Variants in MYO9A observed in about 807,000 individuals in gnomAD.
MYO9A encodes unconventional myosin-IXa.
Under a neutral mutation model 293.3 loss-of-function variants are expected in MYO9A, and 103 were observed. The ratio of observed to expected loss-of-function variants is 0.35; its 90% CI spans 0.30 to 0.41. The LOEUF (loss-of-function observed/expected upper bound fraction) is 0.41. Ranked by LOEUF, MYO9A falls within the 10% of genes least tolerant of loss-of-function variation. The pLI is 1.00. For missense variants in MYO9A, 2,685 were observed against 3,033.0 expected, an observed-to-expected ratio of 0.89 and a Z score of 2.69; for synonymous variants, 1,001 against 1,035.7, an observed-to-expected ratio of 0.97 and a Z score of 0.64.
At chr15:72,030,102 A>G (rs979249826) in intron 3 of MYO9A, among the ~76,000 whole-genome samples, 16 of 152,138 alleles carry the variant, frequency 1.1e-4, no homozygotes, top group African/African-American at 3.6e-4. Context: ...TTCTTTGAAA[A>G]TCCATTGCCA....
At chr15:71,982,058 C>T (rs1162872299) in intron 11 of MYO9A, among the ~76,000 whole-genome samples, 5 of 125,264 alleles carry the variant, frequency 4.0e-5, no homozygotes, top group Non-Finnish European at 7.8e-5. Flanking sequence ...CTCACTCTGT[C>T]GCCCAGGCTG....
At chr15:71,864,252 A>G (rs2056247457) in intron 32 of MYO9A, among the ~76,000 whole-genome samples, 1 of 152,214 alleles carries the variant, frequency 6.6e-6, no homozygotes, top group African/African-American at 2.4e-5. Flanking sequence ...TTAGTTATCA[A>G]AGAAATGCAA....
intron 27 of MYO9A, 42 bp from the exon 28 acceptor site, chr15:71,883,778 C>G: frequency 6.5e-7 from 1 of 1,542,716 alleles, no homozygotes; most frequent in East Asian, 2.3e-5. Flanking sequence ...TTAAGAGTAT[C>G]TCAGTGATAA....
chr15:72,030,274 G>A (rs1263334503), intron 3 of MYO9A, among the ~76,000 whole-genome samples: 1 of 152,014 alleles, frequency 6.6e-6, no homozygotes, highest in Non-Finnish European at 1.5e-5. Flanking sequence ...AAATATTACT[G>A]CCCCTATTTT....
intron 4 of MYO9A, among the ~76,000 whole-genome samples, chr15:72,023,599 G>A (rs1476036274): frequency 6.6e-6 from 1 of 151,422 alleles, no homozygotes; most frequent in Non-Finnish European, 1.5e-5. Context: ...GGAGGCTGAG[G>A]CAGGAGAATC....
At chr15:71,881,937 T>G (rs1405020603) in intron 28 of MYO9A, among the ~76,000 whole-genome samples, 1 of 152,202 alleles carries the variant, frequency 6.6e-6, no homozygotes, top group African/African-American at 2.4e-5. Context: ...TTCCTAAACC[T>G]GTAGTATTCA....
chr15:71,984,582 T>C (rs753625909), intron 11 of MYO9A, among the ~76,000 whole-genome samples: 11 of 152,302 alleles, frequency 7.2e-5, no homozygotes, highest in African/African-American at 2.2e-4. Flanking sequence ...CTATGGCACA[T>C]GTTAGACCTT....
At chr15:72,108,785 A>C (rs2080667922) in intron 1 of MYO9A, among the ~76,000 whole-genome samples, 2 of 138,490 alleles carry the variant, frequency 1.4e-5, no homozygotes, top group African/African-American at 2.7e-5. Flanking sequence ...TTTTTGAGAC[A>C]GAGTTTCACT....
intron 11 of MYO9A, among the ~76,000 whole-genome samples, chr15:71,990,119 C>G (rs2148349990): frequency 6.8e-6 from 1 of 146,998 alleles, no homozygotes; most frequent in South Asian, 2.1e-4. Context: ...CAGTCTCATT[C>G]TGTTGCCCAG....
At chr15:71,892,860 C>T (rs1033393126) in intron 26 of MYO9A, 13 of 686,178 alleles carry the variant, frequency 1.9e-5, no homozygotes, top group African/African-American at 3.8e-5. Flanking sequence ...GTTTCCCATG[C>T]ACAAACCATT....
chr15:72,019,817 T>C (rs1026759227), intron 5 of MYO9A, among the ~76,000 whole-genome samples: 12 of 152,186 alleles, frequency 7.9e-5, no homozygotes, highest in African/African-American at 2.9e-4. Context: ...TGGCACAATC[T>C]TGGCTCACTG....
chr15:71,863,319 A>AAT (rs2056214220), intron 32 of MYO9A, among the ~76,000 whole-genome samples: 1 of 152,170 alleles, frequency 6.6e-6, no homozygotes, highest in African/African-American at 2.4e-5. Context: ...TACATGAGTT[A>AAT]TACCTGTTAA....
intron 14 of MYO9A, among the ~76,000 whole-genome samples, chr15:71,956,322 AAAAAAAAAAT>A (rs2059180983): frequency 1.3e-4 from 2 of 15,892 alleles, no homozygotes; most frequent in Middle Eastern, 0.033. Flanking sequence ...AAAAAAAAAA[AAAAAAAAAAT>A]ATATATATAT....
chr15:72,102,976 TTTG>T (rs2080410679), intron 1 of MYO9A, among the ~76,000 whole-genome samples: 1 of 149,566 alleles, frequency 6.7e-6, no homozygotes, highest in Non-Finnish European at 1.5e-5. Flanking sequence ...TATGGTTTTT[TTTG>T]TTGTTGTTTC....
chr15:71,981,673 G>A (rs1038436757), intron 11 of MYO9A, among the ~76,000 whole-genome samples: 1 of 142,692 alleles, frequency 7.0e-6, no homozygotes, highest in African/African-American at 2.6e-5. Context: ...CTCTCTCTCA[G>A]ATGAATTCCT....
chr15:72,032,255 GA>G (rs1359389421), intron 3 of MYO9A, among the ~76,000 whole-genome samples: 1 of 152,126 alleles, frequency 6.6e-6, no homozygotes, highest in African/African-American at 2.4e-5. Context: ...ATAATATATA[GA>G]AAGCAAATGC....
intron 1 of MYO9A, among the ~76,000 whole-genome samples, chr15:72,091,353 A>G (rs1205615853): frequency 1.3e-5 from 2 of 152,210 alleles, no homozygotes; most frequent in African/African-American, 2.4e-5. Flanking sequence ...TATACCAAAT[A>G]GCTTTTAACC....
Position 71,968,139 on chromosome 15 carries a change from AAAAG to A in MYO9A, c.1845-18_1845-15del. 1 of 1,552,054 alleles carries A rather than the reference AAAAG, an allele frequency of 6.4e-7. No individual in the cohort carries two copies. Among genetic ancestry groups the A allele is most frequent in the Non-Finnish European group, 8.7e-7 (1 of 1,151,594 alleles). ...GCCTGTGGAAAGCTGAATTAAAAAA[AAAAG>A]AAAAAATATCATTACAGAAAGATGA... On this transcript the variant is annotated splice_polypyrimidine_tract_variant and intron_variant, in intron 12 of 41. Coordinates refer to ENST00000356056, the MANE Select transcript of MYO9A (RefSeq NM_006901.4).
rs753371808 is a variant in MYO9A, at chr15:71,852,120, G to GCCTA, written c.6475+8_6475+11dup. On this transcript the variant is annotated intron_variant, in intron 36 of 41. Transcript: ENST00000356056. Reference sequence around the variant, plus strand: ...ATAGGCCTTCTCTCTAACCCAGGAAGCCTATGCTTACCCATAGCTCGAAGA... The same window carrying GCCTA: ...ATAGGCCTTCTCTCTAACCCAGGAAGCCTACCTATGCTTACCCATAGCTCGAAGA... 6.2e-6 allele frequency: 10 copies of GCCTA among 1,606,650 alleles called. No homozygotes were observed. The Admixed American group carries it at 1.7e-4, about 27-fold the overall frequency.
Sources: allele counts gnomAD v4.1 joint callset (sites outside exome capture counted in the v4.1 genomes callset), GRCh38; gene constraint gnomAD v4.1.1; transcripts MANE v1.5; gene names NCBI Gene and HGNC (gene_info 2026-07-23, HGNC 2026-07-21).